Variants in MAPRE2 observed in about 807,000 individuals in gnomAD.
MAPRE2 encodes microtubule associated protein RP/EB family member 2, also known as microtubule-associated protein RP/EB family member 2.
A neutral mutation model predicts 43.2 loss-of-function variants in MAPRE2; 13 were observed. That is an observed-to-expected ratio of 0.30 (90% CI 0.20 to 0.48). The LOEUF (loss-of-function observed/expected upper bound fraction) is 0.48, where lower values mean the gene tolerates loss of function less well. MAPRE2 is among the 20% of genes least tolerant of loss of function. The probability of loss-of-function intolerance (pLI) is 0.99; values close to 1 mark genes in which losing one functional copy is unlikely to be tolerated. For missense variants in MAPRE2, 161 were observed against 400.2 expected, an observed-to-expected ratio of 0.40 and a Z score of 5.10; for synonymous variants, 135 against 148.8, an observed-to-expected ratio of 0.91 and a Z score of 0.68.
At position 35,138,009 on chromosome 18, in the gene MAPRE2, G is replaced by GT. The variant is rs1455405164; in HGVS notation, c.910-2283dup. Among the ~76,000 whole-genome samples, 3 of 152,310 alleles carry GT rather than the reference G, an allele frequency of 2.0e-5. No homozygotes were observed. The East Asian group carries it at 5.8e-4, about 29-fold the overall frequency. On this transcript the variant is annotated intron_variant, in intron 6 of 6. Transcript: ENST00000300249. ...CACTGGCTTAGGAAGGCCAGTAACT[G>GT]TTTCTTGTCCTGCGCTGGCCCAAGA...
At chr18:35,104,494 A>G (rs1056260395) in intron 4 of MAPRE2, among the ~76,000 whole-genome samples, 10 of 152,084 alleles carry the variant, frequency 6.6e-5, no homozygotes, top group African/African-American at 2.2e-4. Flanking sequence ...GGTTTGTAAG[A>G]TGGGAGACAT....
chr18:34,988,627 G>A (rs1041796389), intron 1 of MAPRE2: 3 of 150,910 alleles, frequency 2.0e-5, no homozygotes, highest in African/African-American at 7.3e-5. Context: ...GTGGTTTCCT[G>A]CAACATGCCT....
At chr18:35,053,089 T>G (rs1906036432) in intron 1 of MAPRE2, among the ~76,000 whole-genome samples, 1 of 149,982 alleles carries the variant, frequency 6.7e-6, no homozygotes, top group Non-Finnish European at 1.5e-5. Context: ...CCTCAGTAAG[T>G]ACATATTAAA....
intron 2 of MAPRE2, among the ~76,000 whole-genome samples, chr18:35,032,962 T>C (rs1262805996): frequency 6.6e-6 from 1 of 152,182 alleles, no homozygotes; most frequent in South Asian, 2.1e-4. Flanking sequence ...TAGTTGCAGA[T>C]ACGTTAGATA....
rs768599426 is a variant in MAPRE2 at position 35,132,017 on chromosome 18, C to G, written c.751-15C>G. The stretch of plus-strand genomic sequence containing the variant: ...TTTTGGGTGGTTTTTTTTCTTCACT[C>G]TCACTCCCTTGCAGGTACATTCATT... On this transcript the variant is annotated splice_polypyrimidine_tract_variant and intron_variant, in intron 5 of 6. Coordinates refer to ENST00000300249, the MANE Select transcript of MAPRE2 (RefSeq NM_014268.4). The G allele has an allele frequency of 6.8e-6, 11 of 1,612,614 alleles. No homozygotes were observed. The highest frequency in any genetic ancestry group is 1.1e-5 in the South Asian group (1 of 90,884).
chr18:35,052,258 G>A (rs1905976873), intron 1 of MAPRE2, among the ~76,000 whole-genome samples: 1 of 152,132 alleles, frequency 6.6e-6, no homozygotes, highest in African/African-American at 2.4e-5. Flanking sequence ...AGCCCCAGGA[G>A]CCAGTGATCT....
intron 6 of MAPRE2, among the ~76,000 whole-genome samples, chr18:35,138,524 A>C (rs1189694297): frequency 6.6e-6 from 1 of 152,210 alleles, no homozygotes; most frequent in African/African-American, 2.4e-5. Flanking sequence ...ACTTTTTTAA[A>C]AAAATTACTT....
chr18:35,132,279 C>T (rs1910191602), intron 6 of MAPRE2, 89 bp downstream of exon 6: 1 of 1,230,234 alleles, frequency 8.1e-7, no homozygotes, highest in South Asian at 1.4e-5. Flanking sequence ...AATACTTCCC[C>T]AGGACCTCAA....
upstream of MAPRE2, among the ~76,000 whole-genome samples, chr18:35,039,464 G>GA (rs1245876554): frequency 6.6e-6 from 1 of 152,104 alleles, no homozygotes; most frequent in East Asian, 1.9e-4. Flanking sequence ...GATTGTATAA[G>GA]AAAAAAAATC....
Position 35,132,183 on chromosome 18 carries a change from A to C in MAPRE2, c.902A>C (p.Glu301Ala). 6.2e-7 allele frequency: 1 copy of C among 1,614,076 alleles called. No individual in the cohort carries two copies. Reference sequence around the variant, plus strand: ...CTAATGGACATCCTGTATGCTTCAGAAGAACACGTAAGTGTGAGGAGCATG... The same window carrying C: ...CTAATGGACATCCTGTATGCTTCAGCAGAACACGTAAGTGTGAGGAGCATG... ...QRLMDILYAS[E>A]EHEGHTEEPE... Residue 301 changes from glutamate (E) to alanine (A), a missense_variant, in exon 6 of 7, where the codon GAA becomes GCA. Physicochemically the swap from Glu to Ala is moderately radical, Grantham distance 107. This residue lies in a region of MAPRE2 where 96 missense variants were observed against 153.3 expected (regional missense o/e 0.63). Transcript: ENST00000300249.
intron 4 of MAPRE2, among the ~76,000 whole-genome samples, chr18:35,121,441 G>A (rs1482200658): frequency 1.3e-5 from 2 of 152,002 alleles, no homozygotes; most frequent in African/African-American, 4.8e-5. Context: ...AGAATTACAG[G>A]GACTTAGACA....
chr18:34,986,659 T>G (rs1387431658), intron 1 of MAPRE2, among the ~76,000 whole-genome samples: 1 of 152,150 alleles, frequency 6.6e-6, no homozygotes, highest in Non-Finnish European at 1.5e-5. Flanking sequence ...CCAGAAGCAA[T>G]TCCCTCTACA....
In MAPRE2 at chr18:35,011,557, G is replaced by C. The variant is rs367579561; in HGVS notation, c.-8+6004G>C. Among the ~76,000 whole-genome samples, 16 of 152,228 alleles carry C rather than the reference G, an allele frequency of 1.1e-4. 1 individual carries two copies. Among genetic ancestry groups the C allele is most frequent in the Admixed American group, 4.6e-4 (7 of 15,290 alleles). On this transcript the variant is annotated intron_variant, in intron 2 of 7. Transcript: ENST00000413393. ...GATGTTGAAGTCCTTTAAGCGTAGA[G>C]GTAAAACTACCTGTTTTATATCTTA...
In MAPRE2 at chr18:34,993,256, T is replaced by A. The variant is rs540349141; in HGVS notation, c.-69-12236T>A. 1.5e-4 allele frequency among the ~76,000 whole-genome samples: 18 copies of A among 118,604 alleles called. No homozygotes were observed. The East Asian group carries it at 2.4e-3, about 16-fold the overall frequency. The allele number at this position is 118,604 out of a possible 152,430, so 77.8% of individuals were successfully genotyped here. On this transcript the variant is annotated intron_variant, in intron 1 of 7. Coordinates refer to the MAPRE2 transcript ENST00000413393. ...ATAGGTGTATACCACCATTCCCGCC[T>A]TTTTTTTTTTTTTTTTTTTTACTTT...
At chr18:35,022,997 A>G (rs916959036) in intron 2 of MAPRE2, among the ~76,000 whole-genome samples, 1 of 152,228 alleles carries the variant, frequency 6.6e-6, no homozygotes, top group African/African-American at 2.4e-5. Flanking sequence ...AATTTCTTTT[A>G]TAATACAAAA....
In MAPRE2 at chr18:35,041,440, G is replaced by A. The variant is rs941452698; in HGVS notation, c.-100G>A. On this transcript the variant is annotated 5_prime_UTR_variant, in exon 1 of 7. Transcript: ENST00000300249. ...GAAGGCAGTGAGCGAGCAGGCGGCA[G>A]GCACGGTCCGTGCGGAGCAGGCGAG... 2.5e-6 allele frequency: 4 copies of A among 1,593,322 alleles called. No individual in the cohort carries two copies. Among genetic ancestry groups the A allele is most frequent in the Admixed American group, 1.7e-5 (1 of 58,510 alleles).
At chr18:34,984,972 T>C (rs1447123020) in intron 1 of MAPRE2, among the ~76,000 whole-genome samples, 2 of 76,116 alleles carry the variant, frequency 2.6e-5, no homozygotes, top group African/African-American at 5.1e-5. Context: ...AAATATATAA[T>C]ATATAAAATA....
intron 2 of MAPRE2, among the ~76,000 whole-genome samples, chr18:35,096,532 AT>A (rs770638688): frequency 2.6e-5 from 4 of 152,016 alleles, no homozygotes; most frequent in African/African-American, 4.8e-5. Context: ...TTCTATGATC[AT>A]TTCCCCAGGG....
At chr18:35,057,837 C>T (rs16966362) in intron 1 of MAPRE2, among the ~76,000 whole-genome samples, 5,760 of 152,140 alleles carry the variant, frequency 0.038, 336 homozygotes, top group African/African-American at 0.13. Flanking sequence ...CGATGCCCTA[C>T]GAAGCTGGTA....
Sources: allele counts gnomAD v4.1 joint callset (sites outside exome capture counted in the v4.1 genomes callset), GRCh38; gene constraint gnomAD v4.1.1; regional missense constraint gnomAD v4.1.1; transcripts MANE v1.5; gene names NCBI Gene and HGNC (gene_info 2026-07-23, HGNC 2026-07-21).